LINGO2: variants seen among roughly 807,000 people sequenced by gnomAD.
LINGO2 encodes leucine rich repeat and Ig domain containing 2, also known as leucine-rich repeat and immunoglobulin-like domain-containing nogo receptor-interacting protein 2.
Under a neutral mutation model 30.6 loss-of-function variants are expected in LINGO2, and 14 were observed. That is an observed-to-expected ratio of 0.46 (90% CI 0.30 to 0.72). The LOEUF is 0.72. LINGO2 is among the 30% of genes least tolerant of loss of function. The probability of loss-of-function intolerance (pLI) is 0.07; values close to 1 mark genes in which losing one functional copy is unlikely to be tolerated. For synonymous variants in LINGO2, 317 were observed against 288.5 expected (o/e 1.10, Z -1.00); for missense variants, 729 against 751.7 (o/e 0.97, Z 0.35).
the LINGO2 span, among the ~76,000 whole-genome samples, chr9:28,997,212 T>C: frequency 6.6e-6 from 1 of 151,560 alleles, no homozygotes; most frequent in East Asian, 2.0e-4. Flanking sequence ...GAGGACTGCT[T>C]GAGGCCAGGA....
At chr9:28,043,863 A>G (rs1254170771) in intron 4 of LINGO2, among the ~76,000 whole-genome samples, 1 of 152,188 alleles carries the variant, frequency 6.6e-6, no homozygotes, top group East Asian at 1.9e-4. Flanking sequence ...CCCTATAATC[A>G]AGTATCCGTT....
chr9:28,420,217 C>A (rs1253554383), intron 2 of LINGO2, among the ~76,000 whole-genome samples: 2 of 152,100 alleles, frequency 1.3e-5, no homozygotes, highest in African/African-American at 4.8e-5. Flanking sequence ...TCCAAATACT[C>A]TAGAAGTAAT....
At chr9:28,046,750 C>T (rs74660971) in intron 4 of LINGO2, among the ~76,000 whole-genome samples, 3,917 of 150,278 alleles carry the variant, frequency 0.026, 155 homozygotes, top group African/African-American at 0.093. Context: ...TTATCTACCA[C>T]GATATTGTCC....
chr9:28,230,312 A>C (rs145279160), intron 4 of LINGO2, among the ~76,000 whole-genome samples: 2,147 of 152,020 alleles, frequency 0.014, 49 homozygotes, highest in African/African-American at 0.049. Flanking sequence ...GCTACTCAGA[A>C]AGTAACAGTG....
chr9:29,170,443 T>C, the LINGO2 span, among the ~76,000 whole-genome samples: 2 of 152,040 alleles, frequency 1.3e-5, no homozygotes, highest in East Asian at 3.9e-4. Flanking sequence ...TAGGAGACTA[T>C]AAAAGGTGGG....
chr9:28,427,044 A>G (rs780287673), intron 2 of LINGO2, among the ~76,000 whole-genome samples: 3 of 152,112 alleles, frequency 2.0e-5, no homozygotes, highest in East Asian at 1.9e-4. Flanking sequence ...TAGAAAACCT[A>G]ATATCTGGTT....
intron 1 of LINGO2, among the ~76,000 whole-genome samples, chr9:28,521,981 G>A (rs531910870): frequency 2.0e-5 from 3 of 152,320 alleles, no homozygotes; most frequent in East Asian, 3.9e-4. Context: ...TGTATCCATC[G>A]AGGGAGCATG....
At chr9:28,571,562 G>A (rs1325161887) in intron 1 of LINGO2, among the ~76,000 whole-genome samples, 1 of 152,014 alleles carries the variant, frequency 6.6e-6, no homozygotes, top group African/African-American at 2.4e-5. Context: ...TTAAGAAACT[G>A]AGACTCAGAG....
the LINGO2 span, among the ~76,000 whole-genome samples, chr9:28,976,974 A>G: frequency 6.6e-6 from 1 of 152,164 alleles, no homozygotes; most frequent in Non-Finnish European, 1.5e-5. Flanking sequence ...GAAGGAAATA[A>G]CCAGTGATAT....
the LINGO2 span, among the ~76,000 whole-genome samples, chr9:28,885,356 T>C: frequency 0.12 from 15,327 of 132,802 alleles, 1,097 homozygotes; most frequent in Non-Finnish European, 0.16. Context: ...GAGATATATA[T>C]ATATACACAC....
the LINGO2 span, among the ~76,000 whole-genome samples, chr9:28,810,313 C>A: frequency 6.6e-6 from 1 of 152,052 alleles, no homozygotes; most frequent in Non-Finnish European, 1.5e-5. Flanking sequence ...GATCATATCA[C>A]AAAGGACAGA....
chr9:28,715,047 G>A, the LINGO2 span, among the ~76,000 whole-genome samples: 28 of 152,156 alleles, frequency 1.8e-4, no homozygotes, highest in Middle Eastern at 6.8e-3. Flanking sequence ...AATGTGAGTC[G>A]TAGTCAATAA....
At chr9:29,111,185 T>C in the LINGO2 span, among the ~76,000 whole-genome samples, 1 of 152,198 alleles carries the variant, frequency 6.6e-6, no homozygotes, top group African/African-American at 2.4e-5. Flanking sequence ...AAAAATAGAA[T>C]GCATTTAAGC....
intron 1 of LINGO2, among the ~76,000 whole-genome samples, chr9:28,634,485 CTTTTTTTT>C (rs755583837): frequency 4.8e-5 from 6 of 124,676 alleles, no homozygotes; most frequent in African/African-American, 9.3e-5. Flanking sequence ...TTCTTTTTTT[CTTTTTTTT>C]TTTTTTTTTT....
chr9:28,216,473 C>G (rs1820771380), intron 4 of LINGO2, among the ~76,000 whole-genome samples: 1 of 151,860 alleles, frequency 6.6e-6, no homozygotes, highest in African/African-American at 2.4e-5. Context: ...ATATCCATCT[C>G]TACAGAAAGA....
the LINGO2 span, among the ~76,000 whole-genome samples, chr9:28,699,150 T>C: frequency 6.6e-6 from 1 of 152,056 alleles, no homozygotes. Context: ...AAAGTCCAAA[T>C]TTTACATTAA....
chr9:28,884,822 ATTTC>A, the LINGO2 span, among the ~76,000 whole-genome samples: 1 of 142,300 alleles, frequency 7.0e-6, no homozygotes, highest in Non-Finnish European at 1.5e-5. Context: ...ATATATATAT[ATTTC>A]TTTAGCAATT....
intron 4 of LINGO2, among the ~76,000 whole-genome samples, chr9:28,227,836 A>G (rs1821222923): frequency 6.6e-6 from 1 of 152,092 alleles, no homozygotes; most frequent in African/African-American, 2.4e-5. Context: ...TTCAGGAAAG[A>G]TGGCAGCAAA....
the LINGO2 span, among the ~76,000 whole-genome samples, chr9:29,007,804 G>A: frequency 1.3e-5 from 2 of 152,092 alleles, no homozygotes; most frequent in South Asian, 4.1e-4. Flanking sequence ...AAGTGCAAGT[G>A]AATATGTTGA....
Sources: gnomAD v4.1 joint callset for allele counts (sites outside exome capture counted in the v4.1 genomes callset) on GRCh38, gnomAD v4.1.1 for gene constraint, MANE v1.5 for transcripts, NCBI Gene and HGNC (gene_info 2026-07-23, HGNC 2026-07-21) for gene names.